The following SAMD12 variants were observed in gnomAD, a reference collection of about 807,000 sequenced individuals.
SAMD12 encodes sterile alpha motif domain containing 12.
SAMD12 carries 9 observed loss-of-function variants against 15.0 expected under a neutral mutation model. The ratio of observed to expected loss-of-function variants is 0.60; its 90% confidence interval spans 0.36 to 1.05. The LOEUF (loss-of-function observed/expected upper bound fraction) is 1.05, where lower values mean the gene tolerates loss of function less well. SAMD12 is among the 50% of genes least tolerant of loss of function. SAMD12 has a pLI of 0.01. For synonymous variants in SAMD12, 86 were observed against 90.1 expected (o/e 0.96, Z 0.25); for missense variants, 230 against 234.2 (o/e 0.98, Z 0.12).
At chr8:118,244,155 T>C (rs1336427961) in intron 4 of SAMD12, among the ~76,000 whole-genome samples, 2 of 152,124 alleles carry the variant, frequency 1.3e-5, no homozygotes, top group Non-Finnish European at 2.9e-5. Flanking sequence ...CCAGCAGCCA[T>C]TGTTGGAGTA....
At chr8:118,561,203 T>C (rs1826690458) in intron 2 of SAMD12, among the ~76,000 whole-genome samples, 1 of 152,192 alleles carries the variant, frequency 6.6e-6, no homozygotes, top group Non-Finnish European at 1.5e-5. Context: ...TAATGCTGTT[T>C]TGACCACAAT....
At chr8:118,194,744 C>T (rs763428303) in exon 5 of SAMD12, 11 of 152,148 alleles carry the variant, frequency 7.2e-5, no homozygotes, top group South Asian at 6.2e-4. Context: ...GGTAACATTC[C>T]GTACATGCAT....
At chr8:118,146,416 A>G in the SAMD12 span, among the ~76,000 whole-genome samples, 7 of 152,162 alleles carry the variant, frequency 4.6e-5, no homozygotes, top group African/African-American at 1.7e-4. Flanking sequence ...GCATAACCAC[A>G]TACAATATGG....
intron 4 of SAMD12, among the ~76,000 whole-genome samples, chr8:118,321,497 C>T (rs1332518260): frequency 6.6e-6 from 1 of 151,806 alleles, no homozygotes; most frequent in African/African-American, 2.4e-5. Context: ...GCCTGTAATC[C>T]CAGCCACTCG....
At chr8:118,517,007 A>T (rs1270424521) in intron 2 of SAMD12, among the ~76,000 whole-genome samples, 1 of 152,180 alleles carries the variant, frequency 6.6e-6, no homozygotes, top group African/African-American at 2.4e-5. Flanking sequence ...CTATTTCTAC[A>T]AGTTCCATAT....
At chr8:118,215,047 G>T (rs1221235614) in intron 4 of SAMD12, among the ~76,000 whole-genome samples, 1 of 152,132 alleles carries the variant, frequency 6.6e-6, no homozygotes, top group Non-Finnish European at 1.5e-5. Context: ...TAAGCTAGAG[G>T]AATATAGACA....
At chr8:118,327,053 C>T (rs1238905447) in intron 4 of SAMD12, among the ~76,000 whole-genome samples, 3 of 152,166 alleles carry the variant, frequency 2.0e-5, no homozygotes, top group African/African-American at 4.8e-5. Context: ...TGCACTACTA[C>T]GTCAGAGATT....
intron 4 of SAMD12, among the ~76,000 whole-genome samples, chr8:118,356,413 T>G (rs563351193): frequency 1.3e-5 from 2 of 152,146 alleles, no homozygotes; most frequent in Admixed American, 6.5e-5. Flanking sequence ...CTTTTCCCTC[T>G]CAAGCCCTTT....
intron 2 of SAMD12, among the ~76,000 whole-genome samples, chr8:118,478,655 C>G (rs960203472): frequency 2.6e-5 from 4 of 152,228 alleles, no homozygotes; most frequent in African/African-American, 9.6e-5. Context: ...ACCAGGCAGT[C>G]TGGCCCGAGA....
intron 1 of SAMD12, among the ~76,000 whole-genome samples, chr8:118,594,765 G>A (rs1301101758): frequency 2.0e-5 from 3 of 151,888 alleles, no homozygotes; most frequent in African/African-American, 7.2e-5. Flanking sequence ...AAAGCAGGGA[G>A]AAACTTAGCC....
intron 2 of SAMD12, among the ~76,000 whole-genome samples, chr8:118,552,888 C>G (rs1826391816): frequency 6.6e-6 from 1 of 151,650 alleles, no homozygotes; most frequent in Non-Finnish European, 1.5e-5. Flanking sequence ...ACACCAATAA[C>G]AGACAAACAG....
the SAMD12 span, among the ~76,000 whole-genome samples, chr8:118,160,715 T>C: frequency 2.0e-5 from 3 of 152,250 alleles, no homozygotes; most frequent in Admixed American, 6.5e-5. Context: ...ATGTGAAACA[T>C]ATAAATATGC....
intron 2 of SAMD12, among the ~76,000 whole-genome samples, chr8:118,571,848 G>GA (rs1827020991): frequency 1.3e-5 from 2 of 152,222 alleles, no homozygotes; most frequent in Non-Finnish European, 2.9e-5. Flanking sequence ...CAGTGAGGAA[G>GA]GGAAATGTGG....
chr8:118,146,519 A>G, the SAMD12 span, among the ~76,000 whole-genome samples: 3 of 152,218 alleles, frequency 2.0e-5, no homozygotes, highest in Admixed American at 6.5e-5. Flanking sequence ...CTCTGTGTTT[A>G]GATACTAGTG....
chr8:118,456,513 CATA>C (rs917030887), intron 2 of SAMD12, among the ~76,000 whole-genome samples: 3 of 152,134 alleles, frequency 2.0e-5, no homozygotes, highest in East Asian at 1.9e-4. Flanking sequence ...CTCCATTGTC[CATA>C]ATGTTTCCTA....
chr8:118,307,816 G>A (rs556543999), intron 4 of SAMD12, among the ~76,000 whole-genome samples: 5 of 152,268 alleles, frequency 3.3e-5, no homozygotes, highest in African/African-American at 7.2e-5. Flanking sequence ...GGGATGCTCT[G>A]CCTCTGGCTT....
At chr8:118,479,854 A>G (rs78060776) in intron 2 of SAMD12, among the ~76,000 whole-genome samples, 20,348 of 151,808 alleles carry the variant, frequency 0.13, 1,515 homozygotes, top group Non-Finnish European at 0.16. Context: ...GATCACTGCT[A>G]CATCCCTGGA....
chr8:118,137,394 G>A, the SAMD12 span, among the ~76,000 whole-genome samples: 1 of 152,126 alleles, frequency 6.6e-6, no homozygotes, highest in African/African-American at 2.4e-5. Context: ...CTTGGGGGTG[G>A]GGGGCTTTGC....
chr8:118,582,909 T>G (rs2131263015), intron 1 of SAMD12, among the ~76,000 whole-genome samples: 1 of 152,272 alleles, frequency 6.6e-6, no homozygotes, highest in Non-Finnish European at 1.5e-5. Context: ...CTGTGCTTTT[T>G]TTTTTTTCTT....
Sources: gnomAD v4.1 joint callset for allele counts (sites outside exome capture counted in the v4.1 genomes callset) on GRCh38, gnomAD v4.1.1 for gene constraint, MANE v1.5 for transcripts, NCBI Gene and HGNC (gene_info 2026-07-23, HGNC 2026-07-21) for gene names.